The following FSTL4 variants were observed in gnomAD, a reference collection of about 807,000 sequenced individuals.
FSTL4 encodes follistatin like 4, also known as follistatin-related protein 4.
A neutral mutation model predicts 78.2 loss-of-function variants in FSTL4; 28 were observed. The observed-to-expected ratio is 0.36, with a 90% CI of 0.27 to 0.49. The LOEUF (loss-of-function observed/expected upper bound fraction) is 0.49, where lower values mean the gene tolerates loss of function less well. Among genes scored for constraint, FSTL4 ranks in the 20% least tolerant of loss-of-function variants. The probability of loss-of-function intolerance (pLI) is 0.98; values close to 1 mark genes in which losing one functional copy is unlikely to be tolerated. For missense variants in FSTL4, 922 were observed against 1,084.9 expected, an observed-to-expected ratio of 0.85 and a Z score of 2.11; for synonymous variants, 422 against 440.5, an observed-to-expected ratio of 0.96 and a Z score of 0.53.
intron 4 of FSTL4, among the ~76,000 whole-genome samples, chr5:133,321,304 G>A (rs941382946): frequency 2.6e-5 from 4 of 152,218 alleles, no homozygotes; most frequent in Non-Finnish European, 5.9e-5. Context: ...ATCACCTGAT[G>A]TAAGCTGGCA....
At chr5:133,429,392 A>G (rs1301983739) in intron 3 of FSTL4, among the ~76,000 whole-genome samples, 1 of 151,962 alleles carries the variant, frequency 6.6e-6, no homozygotes, top group Non-Finnish European at 1.5e-5. Flanking sequence ...ACCTATTTCT[A>G]TTTTCTTGGT....
chr5:133,236,354 C>T lies in FSTL4; in HGVS notation c.895-2817G>A, dbSNP rs956483892. Among the ~76,000 whole-genome samples, 9 of 152,088 alleles carry T rather than the reference C, an allele frequency of 5.9e-5. No individual in the cohort carries two copies. The highest frequency in any genetic ancestry group is 1.7e-4 in the African/African-American group (7 of 41,410). On this transcript the variant is annotated intron_variant, in intron 7 of 15. Coordinates refer to ENST00000265342, the MANE Select transcript of FSTL4 (RefSeq NM_015082.2). This position sits in a 1 kb window ranked among gnomAD's most constrained non-coding sequence, Gnocchi z 5.0. ...GTTGATACCCATTAATACCAACATA[C>T]GGTCTTCAAGAGGTTACCGTGTGCC...
chr5:133,202,444 T>G (rs1486058494), intron 14 of FSTL4: 1 of 154,246 alleles, frequency 6.5e-6, no homozygotes, highest in African/African-American at 2.4e-5. Flanking sequence ...TAATGGGGAA[T>G]CCTACCTTCT....
In FSTL4 at chr5:133,384,318, G is replaced by A. The variant is rs73267703; in HGVS notation, c.409+16420C>T. ...CATTTCCTTTCTGAGTCAGTGGCCC[G>A]CTTTCCAGACGGGGTGGTGACAGGG... On this transcript the variant is annotated intron_variant, in intron 4 of 15. Coordinates refer to ENST00000265342, the MANE Select transcript of FSTL4 (RefSeq NM_015082.2). 6.9e-3 allele frequency among the ~76,000 whole-genome samples: 1,048 copies of A among 152,308 alleles called. 12 individuals are homozygous for A. The highest frequency in any genetic ancestry group is 0.023 in the African/African-American group (960 of 41,576).
chr5:133,717,619 G>T, the FSTL4 span, among the ~76,000 whole-genome samples: 1 of 152,160 alleles, frequency 6.6e-6, no homozygotes, highest in African/African-American at 2.4e-5. Context: ...TCTGCTTTCT[G>T]TGGCCATAGA....
intron 2 of FSTL4, among the ~76,000 whole-genome samples, chr5:133,580,828 T>C (rs1580802636): frequency 6.6e-6 from 1 of 152,186 alleles, no homozygotes; most frequent in Non-Finnish European, 1.5e-5. Flanking sequence ...GGGATGGCAG[T>C]AGCATCCCAG....
intron 3 of FSTL4, among the ~76,000 whole-genome samples, chr5:133,541,983 T>A (rs922445112): frequency 6.8e-6 from 1 of 147,756 alleles, no homozygotes; most frequent in Non-Finnish European, 1.5e-5. Flanking sequence ...AACTGATACT[T>A]CCAACTCCCA....
intron 14 of FSTL4, among the ~76,000 whole-genome samples, chr5:133,207,239 CTCT>C (rs1254060297): frequency 6.6e-6 from 1 of 152,158 alleles, no homozygotes; most frequent in African/African-American, 2.4e-5. Context: ...ATGTTAATCA[CTCT>C]TGTTTTACGT....
At chr5:133,841,420 G>C in the FSTL4 span, among the ~76,000 whole-genome samples, 1 of 152,212 alleles carries the variant, frequency 6.6e-6, no homozygotes, top group Non-Finnish European at 1.5e-5. Context: ...GAACAAACAA[G>C]TGAGCAAATT....
chr5:133,211,236 A>G (rs1435421269), intron 13 of FSTL4, among the ~76,000 whole-genome samples: 1 of 152,194 alleles, frequency 6.6e-6, no homozygotes, highest in Non-Finnish European at 1.5e-5. Context: ...CTTCTTATAG[A>G]TTACAAGCTC....
At chr5:133,289,902 A>T (rs986828497) in intron 6 of FSTL4, among the ~76,000 whole-genome samples, 4 of 152,244 alleles carry the variant, frequency 2.6e-5, no homozygotes, top group African/African-American at 9.6e-5. Flanking sequence ...AAATGAAGCA[A>T]TGACTTCTGA....
chr5:133,355,454 G>A (rs188600393), intron 4 of FSTL4, among the ~76,000 whole-genome samples: 6 of 152,202 alleles, frequency 3.9e-5, no homozygotes, highest in African/African-American at 7.2e-5. Flanking sequence ...TCAAGAGACC[G>A]AGACCATCCT....
intron 14 of FSTL4, among the ~76,000 whole-genome samples, chr5:133,203,322 TG>T (rs1163460647): frequency 6.6e-6 from 1 of 152,206 alleles, no homozygotes; most frequent in Non-Finnish European, 1.5e-5. Context: ...CTGACTCTGG[TG>T]GGGGCTTGTG....
intron 3 of FSTL4, among the ~76,000 whole-genome samples, chr5:133,524,397 G>A (rs1252389739): frequency 2.0e-5 from 3 of 152,182 alleles, no homozygotes; most frequent in Non-Finnish European, 2.9e-5. Context: ...ACTGAAGAGT[G>A]AAGAGCCAGA....
At chr5:133,701,807 C>T in the FSTL4 span, among the ~76,000 whole-genome samples, 66 of 152,222 alleles carry the variant, frequency 4.3e-4, no homozygotes, top group Non-Finnish European at 8.2e-4. Flanking sequence ...TGAGTGTGTG[C>T]CCCGTGCAAA....
chr5:133,264,698 C>T (rs1322588887), intron 6 of FSTL4, among the ~76,000 whole-genome samples: 1 of 152,190 alleles, frequency 6.6e-6, no homozygotes, highest in African/African-American at 2.4e-5. Flanking sequence ...TCTCTCTCTT[C>T]GTCTTGGGTA....
chr5:133,792,428 A>G, the FSTL4 span, among the ~76,000 whole-genome samples: 2 of 152,260 alleles, frequency 1.3e-5, no homozygotes, highest in Non-Finnish European at 2.9e-5. Context: ...CAAAAGCATT[A>G]TCTTCCAGCC....
chr5:133,274,510 A>G (rs1405094898), intron 6 of FSTL4, among the ~76,000 whole-genome samples: 1 of 150,772 alleles, frequency 6.6e-6, no homozygotes, highest in Admixed American at 6.7e-5. Context: ...CTGGCCACCT[A>G]TTTAAGAGGT....
At chr5:133,507,665 G>A (rs1333514786) in intron 3 of FSTL4, among the ~76,000 whole-genome samples, 4 of 151,694 alleles carry the variant, frequency 2.6e-5, no homozygotes, top group African/African-American at 9.7e-5. Context: ...TGGGATTACA[G>A]GCGCCCGACA....
Sources: gnomAD v4.1 joint callset for allele counts (sites outside exome capture counted in the v4.1 genomes callset) on GRCh38, gnomAD v4.1.1 for gene constraint, Gnocchi (gnomAD v3.1) non-coding constraint, MANE v1.5 for transcripts, NCBI Gene and HGNC (gene_info 2026-07-23, HGNC 2026-07-21) for gene names.